The following ARL14EP variants were observed in gnomAD, a reference collection of about 807,000 sequenced individuals.
ARL14EP encodes the protein ARF like GTPase 14 effector protein.
A neutral mutation model predicts 23.1 loss-of-function variants in ARL14EP; 12 were observed. The observed-to-expected ratio is 0.52, with a 90% confidence interval of 0.33 to 0.84. ARL14EP has a LOEUF of 0.84. Ranked by LOEUF, ARL14EP falls within the 40% of genes least tolerant of loss-of-function variation. ARL14EP has a pLI of 0.02. For synonymous variants in ARL14EP, 97 were observed against 102.0 expected (o/e 0.95, Z 0.29); for missense variants, 253 against 307.3 (o/e 0.82, Z 1.32).
intron 1 of ARL14EP, among the ~76,000 whole-genome samples, chr11:30,325,036 T>G (rs1218336913): frequency 6.6e-6 from 1 of 152,206 alleles, no homozygotes; most frequent in Non-Finnish European, 1.5e-5. Context: ...GGAGAGACTT[T>G]ATTCAAAAGG....
chr11:30,337,745 G>A lies in ARL14EP; in HGVS notation c.*950G>A. On this transcript the variant is annotated 3_prime_UTR_variant, in exon 4 of 4. Coordinates refer to ENST00000282032, the MANE Select transcript of ARL14EP (RefSeq NM_152316.3). Reference sequence around the variant, plus strand: ...GGAAGCTGACCCAAACTTAGAAGGAGTATGGCAGTTTGCCGTGAACATAAA... The same window carrying A: ...GGAAGCTGACCCAAACTTAGAAGGAATATGGCAGTTTGCCGTGAACATAAA... 6.6e-6 allele frequency: 1 copy of A among 152,150 alleles called. No individual in the cohort carries two copies. The highest frequency in any genetic ancestry group is 1.5e-5 in the Non-Finnish European group (1 of 68,022). The allele number at this position is 152,150 out of a possible 1,614,324, so 9.4% of individuals were successfully genotyped here. A position where few individuals can be genotyped will look rare whatever the true frequency, so the allele number is the denominator to read the frequency against.
intron 1 of ARL14EP, chr11:30,328,780 T>C (rs1385785281): frequency 6.6e-6 from 1 of 151,992 alleles, no homozygotes; most frequent in African/African-American, 2.4e-5. Flanking sequence ...AAGATTTCTC[T>C]CCAGTTTTTG....
chr11:30,329,336 C>T (rs905162829), intron 1 of ARL14EP: 2 of 152,028 alleles, frequency 1.3e-5, no homozygotes, highest in Non-Finnish European at 2.9e-5. Context: ...GTATGAGTAA[C>T]GATTTCACAT....
Position 30,336,580 on chromosome 11 carries a change from G to A in ARL14EP, c.568G>A (p.Ala190Thr), listed in dbSNP as rs771070843. The A allele has an allele frequency of 1.3e-5, 21 of 1,613,128 alleles. No homozygotes were observed. The East Asian group carries it at 4.2e-4, about 33-fold the overall frequency. ...TAGSDRQVIP[A>T]KSKVYDSQGL... is the part of the protein sequence containing the mutation. The stretch of plus-strand genomic sequence containing the variant: ...TTTATTTTACAGACAAGTGATACCA[G>A]CAAAGAGTAAGGTCTATGATAGCCA... The change falls in exon 4 of 4, where the codon GCA becomes ACA. Residue 190 changes from alanine (A) to threonine (T), a missense_variant. Transcript: ENST00000282032.
intron 2 of ARL14EP, among the ~76,000 whole-genome samples, chr11:30,332,457 T>C (rs1445140172): frequency 6.6e-6 from 1 of 152,128 alleles, no homozygotes; most frequent in Non-Finnish European, 1.5e-5. Context: ...TTCTAGAACT[T>C]GAAATCATAT....
intron 3 of ARL14EP, among the ~76,000 whole-genome samples, chr11:30,335,697 G>T (rs1317537863): frequency 6.6e-6 from 1 of 151,806 alleles, no homozygotes; most frequent in South Asian, 2.1e-4. Context: ...TAGACATAAG[G>T]CTGTTGCACA....
chr11:30,323,506 A>G (rs1447054423), intron 1 of ARL14EP, among the ~76,000 whole-genome samples: 1 of 152,162 alleles, frequency 6.6e-6, no homozygotes, highest in East Asian at 1.9e-4. Context: ...GACGTGAACT[A>G]CTTAGGGTTA....
intron 1 of ARL14EP, among the ~76,000 whole-genome samples, chr11:30,325,751 A>C (rs945778650): frequency 6.6e-6 from 1 of 152,220 alleles, no homozygotes. Context: ...AATGACAATT[A>C]AAAGTAGACA....
rs758057628 is a variant in ARL14EP at position 30,336,523 on chromosome 11, A to G, written c.555-44A>G. ...TACTGTATTTTCAATTAAATCAAAA[A>G]TAACATATTTATGAGGTATAATTCA... On this transcript the variant is annotated intron_variant, in intron 3 of 3. Transcript: ENST00000282032. 8.0e-6 allele frequency: 12 copies of G among 1,500,386 alleles called. No homozygotes were observed. In the South Asian group the frequency reaches 1.3e-4, roughly 16 times the overall value. 92.9% of individuals were successfully genotyped at this position (1,500,386 alleles called of 1,614,324 possible). A position where few individuals can be genotyped will look rare whatever the true frequency, so the allele number is the denominator to read the frequency against.
At chr11:30,327,709 A>G in intron 1 of ARL14EP, among the ~76,000 whole-genome samples, 1 of 151,618 alleles carries the variant, frequency 6.6e-6, no homozygotes, top group African/African-American at 2.4e-5. Context: ...CTGTAATCCC[A>G]GCACTTTGGG....
At chr11:30,336,350 A>G (rs1312938098) in intron 3 of ARL14EP, among the ~76,000 whole-genome samples, 2 of 132,246 alleles carry the variant, frequency 1.5e-5, no homozygotes, top group Non-Finnish European at 3.2e-5. Context: ...GAATTTTTAG[A>G]TTTGTCTCAA....
chr11:30,324,926 A>C (rs554034521), intron 1 of ARL14EP, among the ~76,000 whole-genome samples: 1 of 152,370 alleles, frequency 6.6e-6, no homozygotes, highest in East Asian at 1.9e-4. Context: ...GTATTTAGGC[A>C]CTAAAGTAAA....
At chr11:30,328,316 A>G (rs985350328) in intron 1 of ARL14EP, 3 of 151,976 alleles carry the variant, frequency 2.0e-5, no homozygotes, top group African/African-American at 7.3e-5. Flanking sequence ...TATTTTTAGT[A>G]GACACGAGAT....
intron 2 of ARL14EP, chr11:30,331,694 A>G: frequency 8.6e-7 from 1 of 1,163,570 alleles, no homozygotes; most frequent in South Asian, 2.2e-5. Context: ...TCTGATACCA[A>G]AGTAACTACA....
intron 1 of ARL14EP, among the ~76,000 whole-genome samples, chr11:30,323,626 A>G (rs912815483): frequency 1.3e-5 from 2 of 152,080 alleles, no homozygotes; most frequent in Non-Finnish European, 2.9e-5. Flanking sequence ...GCTAATGTTT[A>G]TTTTTCCATC....
chr11:30,329,806 C>T (rs1299420705), intron 1 of ARL14EP: 2 of 151,778 alleles, frequency 1.3e-5, no homozygotes, highest in Non-Finnish European at 2.9e-5. Flanking sequence ...AGGAGTTACT[C>T]GAATATTTAT....
rs936918858 is a variant in ARL14EP, at chr11:30,337,227, C to G, written c.*432C>G. 1 of 207,042 alleles carries G rather than the reference C, an allele frequency of 4.8e-6. No individual in the cohort carries two copies. The highest frequency in any genetic ancestry group is 2.4e-5 in the African/African-American group (1 of 42,358). 12.8% of individuals were successfully genotyped at this position (207,042 alleles called of 1,614,324 possible). On this transcript the variant is annotated 3_prime_UTR_variant, in exon 4 of 4. Coordinates refer to ENST00000282032, the MANE Select transcript of ARL14EP (RefSeq NM_152316.3). ...CAAACCTCTCTGCTAGCTCTTCAGTCTACAAATCGCTATGTAAATAACAGA... is the reference window on the plus strand; with the variant it reads ...CAAACCTCTCTGCTAGCTCTTCAGTGTACAAATCGCTATGTAAATAACAGA...
chr11:30,326,170 A>G (rs1947233836), intron 1 of ARL14EP, among the ~76,000 whole-genome samples: 2 of 152,206 alleles, frequency 1.3e-5, no homozygotes, highest in African/African-American at 4.8e-5. Flanking sequence ...GAAGATATCA[A>G]AACATTTTAA....
Position 30,336,841 on chromosome 11 carries a change from A to C in ARL14EP, c.*46A>C. On this transcript the variant is annotated 3_prime_UTR_variant, in exon 4 of 4. Transcript: ENST00000282032. ...AGCCTTTAAAGGTCTTTATTTCTAA[A>C]AATCTGTTACTCTAAGATACATTTT... is the stretch of plus-strand genomic sequence containing the variant. The C allele has an allele frequency of 6.6e-7, 1 of 1,508,140 alleles. No homozygotes were observed. The highest frequency in any genetic ancestry group is 1.1e-5 in the South Asian group (1 of 88,222). The allele number at this position is 1,508,140 out of a possible 1,614,324, so 93.4% of individuals were successfully genotyped here.
Sources: allele counts gnomAD v4.1 joint callset (sites outside exome capture counted in the v4.1 genomes callset), GRCh38; gene constraint gnomAD v4.1.1; transcripts MANE v1.5; gene names NCBI Gene and HGNC (gene_info 2026-07-23, HGNC 2026-07-21).